The following GPLD1 variants were observed in gnomAD, a reference collection of about 807,000 sequenced individuals.
The protein encoded by GPLD1 is glycosylphosphatidylinositol specific phospholipase D1.
GPLD1 carries 84 observed loss-of-function variants against 112.6 expected under a neutral mutation model. That is an observed-to-expected ratio of 0.75 (90% CI 0.63 to 0.89). GPLD1 has a LOEUF of 0.89. Among genes scored for constraint, GPLD1 ranks in the 40% least tolerant of loss-of-function variants. The probability of loss-of-function intolerance (pLI) is 0.00; values close to 1 mark genes in which losing one functional copy is unlikely to be tolerated. For synonymous variants in GPLD1, 386 were observed against 403.8 expected (o/e 0.96, Z 0.53); for missense variants, 1,044 against 1,051.5 (o/e 0.99, Z 0.10).
chr6:24,479,933 A>G lies in GPLD1; in HGVS notation c.180T>C (p.Tyr60=). The G allele has an allele frequency of 6.2e-7, 1 of 1,610,068 alleles. No individual in the cohort carries two copies. Among genetic ancestry groups the G allele is most frequent in the Non-Finnish European group, 8.5e-7 (1 of 1,176,376 alleles). ...RELLLEHQDA[Y]QAGIVFPDCF... ...AATCAGGAAACACGATTCCAGCCTG[A>G]TACGCATCCTGGTGTTCTAGTAACA... Residue 60 remains tyrosine, a synonymous_variant, in exon 3 of 25, where the codon TAT becomes TAC. Transcript: ENST00000230036.
At chr6:24,452,003 A>G (rs951403490) in intron 14 of GPLD1, among the ~76,000 whole-genome samples, 31 of 152,334 alleles carry the variant, frequency 2.0e-4, no homozygotes, top group African/African-American at 7.2e-4. Flanking sequence ...TGAGTTTCCT[A>G]TCATAAACCT....
At position 24,482,562 on chromosome 6, in the gene GPLD1, T is replaced by C. The variant is rs111696806; in HGVS notation, c.154-2603A>G. On this transcript the variant is annotated intron_variant, in intron 2 of 24. Transcript: ENST00000230036. Reference sequence around the variant, plus strand: ...TTCCAGAGTACTGGATTTACAGACATGAGCCACTGCGCCCAGATAATTTTT... The same window carrying C: ...TTCCAGAGTACTGGATTTACAGACACGAGCCACTGCGCCCAGATAATTTTT... 3.5e-3 allele frequency among the ~76,000 whole-genome samples: 529 copies of C among 152,302 alleles called. 4 individuals are homozygous for C. The highest frequency in any genetic ancestry group is 0.012 in the African/African-American group (491 of 41,574).
At chr6:24,467,636 A>T (rs1295525949) in intron 7 of GPLD1, among the ~76,000 whole-genome samples, 1 of 152,218 alleles carries the variant, frequency 6.6e-6, no homozygotes, top group Non-Finnish European at 1.5e-5. Flanking sequence ...GAAGTAATTT[A>T]AAGTATTTTC....
rs750385979 is a variant in GPLD1 at position 24,426,628 on chromosome 6, C to CTATA, written c.*2400_*2403dup. Reference sequence around the variant, plus strand: ...ATTTAGTGAAGCATAAAAACTGACACTATATAAATGCATCCGTCTAATGAA... The same window carrying CTATA: ...ATTTAGTGAAGCATAAAAACTGACACTATATATATAAATGCATCCGTCTAATGAA... On this transcript the variant is annotated 3_prime_UTR_variant, in exon 25 of 25. Transcript: ENST00000230036. Among the ~76,000 whole-genome samples, 57 of 152,192 alleles carry CTATA rather than the reference C, an allele frequency of 3.7e-4. No homozygotes were observed. The highest frequency in any genetic ancestry group is 6.6e-4 in the Non-Finnish European group (45 of 68,038).
chr6:24,453,699 C>CATGTGT (rs1554131048), intron 14 of GPLD1, among the ~76,000 whole-genome samples: 2 of 150,404 alleles, frequency 1.3e-5, no homozygotes, highest in Admixed American at 6.6e-5. Context: ...ACATACATTT[C>CATGTGT]GTGTGTGTGT....
chr6:24,444,753 G>T (rs184651104), intron 20 of GPLD1, among the ~76,000 whole-genome samples: 1 of 152,170 alleles, frequency 6.6e-6, no homozygotes, highest in East Asian at 1.9e-4. Context: ...AGGAGGCTGA[G>T]GTGCAAGGTT....
intron 21 of GPLD1, 75 bp downstream of exon 21, chr6:24,437,038 G>C (rs1239477706): frequency 1.5e-6 from 2 of 1,331,344 alleles, no homozygotes; most frequent in Non-Finnish European, 2.1e-6. Context: ...GCAGAGCCCA[G>C]ATGACCCAAT....
At chr6:24,486,151 A>C (rs781775645) in intron 1 of GPLD1, 21 bp from the exon 2 acceptor site, 12 of 1,434,720 alleles carry the variant, frequency 8.4e-6, no homozygotes, top group South Asian at 2.4e-5. Context: ...TAAATACATA[A>C]ATCAATTAAG....
At position 24,482,347 on chromosome 6, in the gene GPLD1, C is replaced by T. The variant is rs552092695; in HGVS notation, c.154-2388G>A. 4.6e-5 allele frequency among the ~76,000 whole-genome samples: 7 copies of T among 152,070 alleles called. No homozygotes were observed. In the East Asian group the frequency reaches 1.4e-3, roughly 29 times the overall value. ...CCAGGCTAGAGTGCAATGGCATGATCTCGGCTCACTGCAACCTCTACCTCC... is the reference window on the plus strand; with the variant it reads ...CCAGGCTAGAGTGCAATGGCATGATTTCGGCTCACTGCAACCTCTACCTCC... On this transcript the variant is annotated intron_variant, in intron 2 of 24. Transcript: ENST00000230036.
chr6:24,444,941 G>A (rs1762859132), intron 20 of GPLD1, among the ~76,000 whole-genome samples: 1 of 140,236 alleles, frequency 7.1e-6, no homozygotes, highest in Non-Finnish European at 1.7e-5. Flanking sequence ...CCATGGGATA[G>A]GGGCTTTAAA....
At chr6:24,490,311 G>A (rs1366285640), upstream of GPLD1, among the ~76,000 whole-genome samples, 2 of 152,272 alleles carry the variant, frequency 1.3e-5, no homozygotes, top group East Asian at 1.9e-4. Context: ...TCATCCATGG[G>A]AAAAATTAAG....
At chr6:24,436,032 A>C (rs1228662481) in intron 22 of GPLD1, among the ~76,000 whole-genome samples, 2 of 151,790 alleles carry the variant, frequency 1.3e-5, no homozygotes, top group Non-Finnish European at 2.9e-5. Context: ...CAGGTAGAAG[A>C]ACTGCTTGAG....
chr6:24,460,421 A>G (rs751402937), intron 11 of GPLD1, 22 bp from the exon 12 acceptor site: 1 of 1,612,032 alleles, frequency 6.2e-7, no homozygotes, highest in African/African-American at 1.3e-5. Context: ...AAAGAGGAAT[A>G]AACTGGTTAC....
chr6:24,436,066 G>T (rs1288254626), intron 22 of GPLD1, among the ~76,000 whole-genome samples: 2 of 151,864 alleles, frequency 1.3e-5, no homozygotes, highest in African/African-American at 4.8e-5. Context: ...TACCAGCCTG[G>T]GCAACATAGT....
At chr6:24,476,117 G>A in intron 4 of GPLD1, 64 bp downstream of exon 4, 3 of 858,494 alleles carry the variant, frequency 3.5e-6, no homozygotes, top group South Asian at 2.9e-5. Context: ...GTCAATGCGG[G>A]TGCAAACACA....
At position 24,429,014 on chromosome 6, in the gene GPLD1, G is replaced by T. The variant is rs747416921; in HGVS notation, c.*18C>A. 14 of 1,555,296 alleles carry T rather than the reference G, an allele frequency of 9.0e-6. No individual in the cohort carries two copies. Among genetic ancestry groups the T allele is most frequent in the Admixed American group, 1.7e-5 (1 of 59,344 alleles). On this transcript the variant is annotated 3_prime_UTR_variant, in exon 25 of 25. Coordinates refer to ENST00000230036, the MANE Select transcript of GPLD1 (RefSeq NM_001503.4). ...AGCATGAGAGAGGTGGGCAGAGTGGGGAAATGCAGTGAAATCTTCAATCTG... is the reference window on the plus strand; with the variant it reads ...AGCATGAGAGAGGTGGGCAGAGTGGTGAAATGCAGTGAAATCTTCAATCTG...
At chr6:24,449,248 T>G (rs1763004445) in intron 15 of GPLD1, among the ~76,000 whole-genome samples, 1 of 151,858 alleles carries the variant, frequency 6.6e-6, no homozygotes, top group Admixed American at 6.6e-5. Context: ...AAGAGTTGAG[T>G]CTGCAGAGGG....
At chr6:24,443,412 G>A (rs35901848) in intron 20 of GPLD1, among the ~76,000 whole-genome samples, 42,361 of 151,834 alleles carry the variant, frequency 0.28, 6,222 homozygotes, top group Non-Finnish European at 0.3. Flanking sequence ...AAGAAACACG[G>A]CACTTGGGGC....
chr6:24,447,515 C>CA (rs35561888), intron 17 of GPLD1, among the ~76,000 whole-genome samples: 101,794 of 150,868 alleles, frequency 0.67, 34,581 homozygotes, highest in East Asian at 0.84. Flanking sequence ...GACTCTGTCT[C>CA]AAAAAAAAGA....
Sources: gnomAD v4.1 joint callset for allele counts (sites outside exome capture counted in the v4.1 genomes callset) on GRCh38, gnomAD v4.1.1 for gene constraint, MANE v1.5 for transcripts, NCBI Gene and HGNC (gene_info 2026-07-23, HGNC 2026-07-21) for gene names.